Variants in LUZP2 observed in about 807,000 individuals in gnomAD.
LUZP2 encodes leucine zipper protein 2.
Under a neutral mutation model 51.6 loss-of-function variants are expected in LUZP2, and 52 were observed. That is an observed-to-expected ratio of 1.01 (90% CI 0.81 to 1.27). The LOEUF is 1.27. Ranked by LOEUF, LUZP2 falls within the 50% of genes most tolerant of loss-of-function variation. The pLI, the probability that LUZP2 is intolerant of heterozygous loss-of-function variation, is 0.00. For synonymous variants in LUZP2, 154 were observed against 137.3 expected (o/e 1.12, Z -0.85); for missense variants, 436 against 395.4 (o/e 1.10, Z -0.87).
intron 1 of LUZP2, among the ~76,000 whole-genome samples, chr11:24,601,925 TATATGTATATATGTATATATGTATAA>T (rs1853663324): frequency 7.4e-6 from 1 of 135,922 alleles, no homozygotes; most frequent in Non-Finnish European, 1.6e-5. Flanking sequence ...TATATGTATA[TATATGTATATATGTATATATGTATAA>T]ATGTATATAT....
chr11:24,522,359 T>C (rs754021460), intron 1 of LUZP2, among the ~76,000 whole-genome samples: 1 of 152,124 alleles, frequency 6.6e-6, no homozygotes, highest in Non-Finnish European at 1.5e-5. Context: ...TTTTTGCTTT[T>C]TTGGGCATAT....
At chr11:24,655,263 A>G (rs996416927) in intron 1 of LUZP2, among the ~76,000 whole-genome samples, 3 of 152,236 alleles carry the variant, frequency 2.0e-5, no homozygotes, top group African/African-American at 7.2e-5. Flanking sequence ...TATGAAAATG[A>G]TTAGAATTAG....
At chr11:24,672,007 G>A (rs1469475443) in intron 1 of LUZP2, among the ~76,000 whole-genome samples, 4 of 151,952 alleles carry the variant, frequency 2.6e-5, no homozygotes, top group Non-Finnish European at 5.9e-5. Flanking sequence ...ATGTAGTGAG[G>A]GAATGGGCTT....
At chr11:24,800,540 CAAA>C (rs34615618) in intron 5 of LUZP2, among the ~76,000 whole-genome samples, 3 of 141,156 alleles carry the variant, frequency 2.1e-5, no homozygotes, top group Non-Finnish European at 4.6e-5. Context: ...TCATTTAACT[CAAA>C]AAAAAAAAAA....
chr11:24,803,562 A>T (rs1849758483), intron 5 of LUZP2, among the ~76,000 whole-genome samples: 1 of 152,104 alleles, frequency 6.6e-6, no homozygotes, highest in Non-Finnish European at 1.5e-5. Flanking sequence ...ACAGCAGCTA[A>T]AATGGGAAAA....
At chr11:24,580,599 A>G (rs1231741695) in intron 1 of LUZP2, among the ~76,000 whole-genome samples, 1 of 152,144 alleles carries the variant, frequency 6.6e-6, no homozygotes, top group Non-Finnish European at 1.5e-5. Context: ...TCCTTTCACA[A>G]AACAAAAAAA....
chr11:24,677,738 A>G (rs530932602), intron 1 of LUZP2, among the ~76,000 whole-genome samples: 6 of 152,202 alleles, frequency 3.9e-5, no homozygotes, highest in East Asian at 1.9e-4. Flanking sequence ...GTCTCTATCT[A>G]AAGAGAGAAA....
chr11:24,704,550 A>C (rs1210862646), intron 1 of LUZP2, among the ~76,000 whole-genome samples: 1 of 151,894 alleles, frequency 6.6e-6, no homozygotes, highest in African/African-American at 2.4e-5. Context: ...CTTAGAGTCA[A>C]GAATATGTCA....
intron 1 of LUZP2, among the ~76,000 whole-genome samples, chr11:24,586,396 T>G (rs1470691014): frequency 1.3e-5 from 2 of 151,922 alleles, no homozygotes; most frequent in Non-Finnish European, 2.9e-5. Context: ...ACATATTTTC[T>G]TTCTACTAAG....
chr11:24,845,145 C>A (rs1851161337), intron 5 of LUZP2, among the ~76,000 whole-genome samples: 1 of 152,190 alleles, frequency 6.6e-6, no homozygotes, highest in Admixed American at 6.5e-5. Flanking sequence ...CCGGTGAAGG[C>A]AGCCAGGAGG....
At chr11:24,922,056 T>TA (rs1854080275) in intron 7 of LUZP2, among the ~76,000 whole-genome samples, 1 of 151,100 alleles carries the variant, frequency 6.6e-6, no homozygotes, top group African/African-American at 2.4e-5. Context: ...TATTAATTAT[T>TA]TTTTTTTTAA....
At chr11:24,801,021 T>C (rs1266014444) in intron 5 of LUZP2, among the ~76,000 whole-genome samples, 1 of 152,174 alleles carries the variant, frequency 6.6e-6, no homozygotes, top group Non-Finnish European at 1.5e-5. Context: ...CGTTACATCA[T>C]GAAGCCTGTT....
intron 5 of LUZP2, among the ~76,000 whole-genome samples, chr11:24,871,124 T>C (rs1267736365): frequency 1.3e-5 from 2 of 152,116 alleles, no homozygotes; most frequent in African/African-American, 2.4e-5. Flanking sequence ...AAAGTTATTT[T>C]CCAAAATGTT....
At chr11:25,056,788 T>C (rs1281945584) in intron 10 of LUZP2, among the ~76,000 whole-genome samples, 1 of 152,130 alleles carries the variant, frequency 6.6e-6, no homozygotes, top group Non-Finnish European at 1.5e-5. Context: ...TTTTCTTCTG[T>C]CAATATTTCA....
intron 7 of LUZP2, among the ~76,000 whole-genome samples, chr11:24,915,592 AGTAATAGAAAGGGAGTTGCTGTGG>A (rs1853766015): frequency 6.6e-6 from 1 of 152,114 alleles, no homozygotes; most frequent in Non-Finnish European, 1.5e-5. Context: ...TTTACAGATA[AGTAATAGAAAGGGAGTTGCTGTGG>A]GTTTAAGTCT....
intron 1 of LUZP2, among the ~76,000 whole-genome samples, chr11:24,610,963 A>T (rs1243601120): frequency 6.6e-6 from 1 of 151,392 alleles, no homozygotes; most frequent in Non-Finnish European, 1.5e-5. Flanking sequence ...GGGATTTAAG[A>T]CTCCTTTTTA....
intron 5 of LUZP2, among the ~76,000 whole-genome samples, chr11:24,826,484 T>C (rs1850545891): frequency 6.6e-6 from 1 of 151,404 alleles, no homozygotes; most frequent in Non-Finnish European, 1.5e-5. Flanking sequence ...CACAGAACAC[T>C]AGAAAGCCTT....
intron 1 of LUZP2, among the ~76,000 whole-genome samples, chr11:24,669,718 G>A (rs762957697): frequency 5.3e-5 from 8 of 151,938 alleles, no homozygotes; most frequent in Non-Finnish European, 8.8e-5. Context: ...GTTCACGTGC[G>A]GTATTTGAGG....
chr11:24,580,574 T>C (rs558448371), intron 1 of LUZP2, among the ~76,000 whole-genome samples: 1 of 152,036 alleles, frequency 6.6e-6, no homozygotes, highest in African/African-American at 2.4e-5. Flanking sequence ...GAGTCTCACA[T>C]TGAAAAAAGT....
Sources: allele counts gnomAD v4.1 joint callset (sites outside exome capture counted in the v4.1 genomes callset), GRCh38; gene constraint gnomAD v4.1.1; transcripts MANE v1.5; gene names NCBI Gene and HGNC (gene_info 2026-07-23, HGNC 2026-07-21).